The following GPHN variants were observed in gnomAD, a reference collection of about 807,000 sequenced individuals.
GPHN encodes the protein gephyrin.
A neutral mutation model predicts 95.5 loss-of-function variants in GPHN; 17 were observed. The ratio of observed to expected loss-of-function variants is 0.18; its 90% CI spans 0.12 to 0.27. The LOEUF (loss-of-function observed/expected upper bound fraction) is 0.27. Among genes scored for constraint, GPHN ranks in the 10% least tolerant of loss-of-function variants. The pLI is 1.00. For missense variants in GPHN, 660 were observed against 978.1 expected (o/e 0.67, Z 4.34); for synonymous variants, 320 against 322.5 (o/e 0.99, Z 0.08).
At position 67,159,212 on chromosome 14, in the gene GPHN, C is replaced by T. The variant is rs145126453; in HGVS notation, c.1837-203C>T. 5.0e-3 allele frequency among the ~76,000 whole-genome samples: 758 copies of T among 152,022 alleles called. 7 individuals are homozygous for T. The highest frequency in any genetic ancestry group is 0.031 in the Middle Eastern group (9 of 294). On this transcript the variant is annotated intron_variant, in intron 18 of 22. Transcript: ENST00000478722. ...CACATAGACTGGTACTCATCATATA[C>T]CAAGTGTTAAGTAACTATTTATTGA...
At chr14:67,360,997 A>C in the GPHN span, among the ~76,000 whole-genome samples, 1 of 151,954 alleles carries the variant, frequency 6.6e-6, no homozygotes, top group African/African-American at 2.4e-5. Flanking sequence ...TGAATGAGTC[A>C]CCCCTTGAAC....
At chr14:67,597,311 C>T in the GPHN span, among the ~76,000 whole-genome samples, 1 of 152,106 alleles carries the variant, frequency 6.6e-6, no homozygotes, top group Non-Finnish European at 1.5e-5. Context: ...GACCCTGTCT[C>T]TACAAAAAAT....
chr14:67,284,399 A>G, the GPHN span, among the ~76,000 whole-genome samples: 1 of 138,366 alleles, frequency 7.2e-6, no homozygotes. Context: ...GGAGTTTGAG[A>G]CCAGCTTGGG....
At chr14:67,679,133 T>A in the GPHN span, among the ~76,000 whole-genome samples, 3 of 152,134 alleles carry the variant, frequency 2.0e-5, no homozygotes, top group Non-Finnish European at 4.4e-5. Context: ...AATAACAAGA[T>A]GGAAGGCATG....
At position 66,508,424 on chromosome 14, in the gene GPHN, C is replaced by A; in HGVS notation, c.-104C>A. On this transcript the variant is annotated 5_prime_UTR_variant, in exon 1 of 23. Coordinates refer to ENST00000478722, the MANE Select transcript of GPHN (RefSeq NM_020806.5). ...CCCCGCTCTCCTCGCGCTTCTCTGG[C>A]TCCCTAGCTGTCGCGCTCTCCTCGG... is the stretch of plus-strand genomic sequence containing the variant. 1.0e-6 allele frequency: 1 copy of A among 999,758 alleles called. No individual in the cohort carries two copies. Among genetic ancestry groups the A allele is most frequent in the Non-Finnish European group, 1.6e-6 (1 of 621,144 alleles). The allele number at this position is 999,758 out of a possible 1,614,324, so 61.9% of individuals were successfully genotyped here.
chr14:66,557,308 T>G (rs1229076363), intron 1 of GPHN, among the ~76,000 whole-genome samples: 1 of 152,062 alleles, frequency 6.6e-6, no homozygotes, highest in Non-Finnish European at 1.5e-5. Flanking sequence ...AGCGCTAAGA[T>G]ATAAAAGAGT....
intron 18 of GPHN, among the ~76,000 whole-genome samples, chr14:67,148,952 G>A (rs931648531): frequency 6.6e-6 from 1 of 152,104 alleles, no homozygotes; most frequent in Non-Finnish European, 1.5e-5. Flanking sequence ...TAAATGATGA[G>A]TGATATCTCA....
chr14:67,722,501 T>C, the GPHN span: 1 of 786,812 alleles, frequency 1.3e-6, no homozygotes, highest in Non-Finnish European at 2.3e-6. Flanking sequence ...AGAGTCAGGC[T>C]GCTGCTCAGC....
At chr14:66,770,974 A>G (rs2059146989) in intron 2 of GPHN, among the ~76,000 whole-genome samples, 1 of 152,152 alleles carries the variant, frequency 6.6e-6, no homozygotes, top group Non-Finnish European at 1.5e-5. Flanking sequence ...CCGTATAGAT[A>G]AGAAAGGACT....
At chr14:66,721,229 G>C (rs897974876) in intron 2 of GPHN, among the ~76,000 whole-genome samples, 2 of 152,164 alleles carry the variant, frequency 1.3e-5, no homozygotes, top group Non-Finnish European at 2.9e-5. Context: ...AATGCTTTCA[G>C]AGAAGAATCA....
intron 1 of GPHN, among the ~76,000 whole-genome samples, chr14:66,527,476 C>T (rs766784138): frequency 2.7e-5 from 4 of 150,226 alleles, no homozygotes; most frequent in African/African-American, 9.8e-5. Flanking sequence ...TTCAGTTCTG[C>T]GCTGACCTTA....
the GPHN span, among the ~76,000 whole-genome samples, chr14:67,723,132 C>A: frequency 6.6e-6 from 1 of 152,202 alleles, no homozygotes; most frequent in African/African-American, 2.4e-5. Context: ...GGGAAAGAAA[C>A]AAACTCTTCT....
intron 11 of GPHN, among the ~76,000 whole-genome samples, chr14:67,070,626 G>A (rs1184140560): frequency 2.1e-5 from 3 of 145,796 alleles, no homozygotes; most frequent in African/African-American, 7.7e-5. Flanking sequence ...AACCCGGGAG[G>A]TGGAGGTTGT....
the GPHN span, chr14:67,352,770 C>A: frequency 1.7e-6 from 1 of 577,156 alleles, no homozygotes; most frequent in Non-Finnish European, 3.0e-6. Flanking sequence ...ATTAAATGAA[C>A]TATTTGATAT....
At chr14:67,000,844 T>G (rs1269678475) in intron 9 of GPHN, among the ~76,000 whole-genome samples, 1 of 151,728 alleles carries the variant, frequency 6.6e-6, no homozygotes, top group Non-Finnish European at 1.5e-5. Context: ...GATATATCCA[T>G]CTAATTAAAG....
chr14:67,207,675 C>G, the GPHN span, among the ~76,000 whole-genome samples: 1 of 152,052 alleles, frequency 6.6e-6, no homozygotes, highest in Admixed American at 6.6e-5. Context: ...CTGAGCGAAT[C>G]AGAGAGTGGC....
the GPHN span, among the ~76,000 whole-genome samples, chr14:67,610,711 T>C: frequency 3.9e-5 from 6 of 152,142 alleles, no homozygotes; most frequent in Non-Finnish European, 8.8e-5. Flanking sequence ...GGGAACTGAC[T>C]CAGCTGTGTT....
intron 3 of GPHN, among the ~76,000 whole-genome samples, chr14:66,807,631 A>C (rs1447373441): frequency 6.6e-6 from 1 of 152,216 alleles, no homozygotes; most frequent in Non-Finnish European, 1.5e-5. Flanking sequence ...CCCAGTTACT[A>C]TACCTTCCCT....
chr14:67,058,515 A>G (rs961062267), intron 10 of GPHN, 134 bp from the exon 11 acceptor site: 18 of 772,348 alleles, frequency 2.3e-5, no homozygotes, highest in African/African-American at 5.1e-5. Context: ...TTTTGGAGGC[A>G]GGAGAAACAG....
Sources: gnomAD v4.1 joint callset for allele counts (sites outside exome capture counted in the v4.1 genomes callset) on GRCh38, gnomAD v4.1.1 for gene constraint, MANE v1.5 for transcripts, NCBI Gene and HGNC (gene_info 2026-07-23, HGNC 2026-07-21) for gene names.